The following RSU1 variants were observed in gnomAD, a reference collection of about 807,000 sequenced individuals.
RSU1 encodes the protein Ras suppressor protein 1.
Under a neutral mutation model 31.1 loss-of-function variants are expected in RSU1, and 26 were observed. The ratio of observed to expected loss-of-function variants is 0.84; its 90% CI spans 0.61 to 1.16. The LOEUF (loss-of-function observed/expected upper bound fraction) is 1.16. Among genes scored for constraint, RSU1 ranks in the 50% most tolerant of loss-of-function variants. The pLI is 0.00. For synonymous variants in RSU1, 164 were observed against 136.3 expected (o/e 1.20, Z -1.41); for missense variants, 320 against 339.1 (o/e 0.94, Z 0.44).
intron 8 of RSU1, among the ~76,000 whole-genome samples, chr10:16,613,081 T>A (rs1833920779): frequency 6.6e-6 from 1 of 152,136 alleles, no homozygotes; most frequent in Admixed American, 6.6e-5. Flanking sequence ...TCCAAAATCA[T>A]CATCGCCTCT....
In RSU1 at chr10:16,645,885, T is replaced by TACATATATATAC. The variant is rs1554762645; in HGVS notation, c.731+49137_731+49138insGTATATATATGT. ...ACGTATATATACATATATGTGTATA[T>TACATATATATAC]ACATATATGTATATACACATATATG... On this transcript the variant is annotated intron_variant, in intron 8 of 8. Transcript: ENST00000345264. Among the ~76,000 whole-genome samples the TACATATATATAC allele has an allele frequency of 2.0e-5, 2 of 98,666 alleles. 1 individual carries two copies. The highest frequency in any genetic ancestry group is 3.8e-5 in the Non-Finnish European group (2 of 52,302). 64.7% of individuals were successfully genotyped at this position (98,666 alleles called of 152,430 possible).
chr10:16,724,417 C>A (rs894104018), intron 7 of RSU1, among the ~76,000 whole-genome samples: 3 of 152,108 alleles, frequency 2.0e-5, no homozygotes, highest in African/African-American at 7.2e-5. Flanking sequence ...GAAACTGGAC[C>A]AAAATGAGGG....
intron 2 of RSU1, among the ~76,000 whole-genome samples, chr10:16,802,227 A>G (rs1212975748): frequency 6.6e-6 from 1 of 151,934 alleles, no homozygotes; most frequent in African/African-American, 2.4e-5. Context: ...TTACAAACAG[A>G]AATGAAAGAA....
chr10:16,727,233 A>T (rs1367361793), intron 7 of RSU1: 3 of 428,966 alleles, frequency 7.0e-6, no homozygotes, highest in East Asian at 1.5e-4. Flanking sequence ...GCCTGGCTGC[A>T]TCTTTTGTTA....
At chr10:16,697,534 C>T (rs966595714) in intron 7 of RSU1, among the ~76,000 whole-genome samples, 9 of 152,038 alleles carry the variant, frequency 5.9e-5, no homozygotes, top group Middle Eastern at 3.4e-3. Flanking sequence ...CACAGTGGTG[C>T]GCACCTGTAG....
intron 7 of RSU1, among the ~76,000 whole-genome samples, chr10:16,704,794 A>T (rs7074677): frequency 0.32 from 49,408 of 152,084 alleles, 8,689 homozygotes; most frequent in Middle Eastern, 0.42. Context: ...GGTTATTTTT[A>T]AAAAAATAAA....
chr10:16,645,152 A>G (rs1834513309), intron 8 of RSU1, among the ~76,000 whole-genome samples: 1 of 152,232 alleles, frequency 6.6e-6, no homozygotes, highest in African/African-American at 2.4e-5. Context: ...TTTCTAAAAT[A>G]TCATGTCAGA....
At chr10:16,769,700 T>C (rs1285670907) in intron 3 of RSU1, among the ~76,000 whole-genome samples, 2 of 152,226 alleles carry the variant, frequency 1.3e-5, no homozygotes, top group East Asian at 3.9e-4. Context: ...AACTTTTAAT[T>C]CATTGGCAGC....
At chr10:16,715,912 T>C (rs1213190854) in intron 7 of RSU1, among the ~76,000 whole-genome samples, 1 of 152,230 alleles carries the variant, frequency 6.6e-6, no homozygotes, top group Non-Finnish European at 1.5e-5. Context: ...ACTTCACTAA[T>C]AGGTCAGAAC....
chr10:16,682,820 G>T (rs1835356315), intron 8 of RSU1, among the ~76,000 whole-genome samples: 1 of 151,950 alleles, frequency 6.6e-6, no homozygotes, highest in Non-Finnish European at 1.5e-5. Context: ...CAGGTCCCAG[G>T]ATCCACACCT....
chr10:16,710,903 G>A (rs1276567354), intron 7 of RSU1, among the ~76,000 whole-genome samples: 2 of 152,124 alleles, frequency 1.3e-5, no homozygotes, highest in Non-Finnish European at 2.9e-5. Flanking sequence ...ACTTATCAGT[G>A]AGAACATGCA....
At chr10:16,721,808 G>A (rs1836269826) in intron 7 of RSU1, 1 of 151,968 alleles carries the variant, frequency 6.6e-6, no homozygotes, top group South Asian at 2.1e-4. Flanking sequence ...TATGAACTTG[G>A]ACAAGTTCAT....
chr10:16,783,174 G>C (rs1837692885), intron 2 of RSU1, among the ~76,000 whole-genome samples: 2 of 152,032 alleles, frequency 1.3e-5, no homozygotes, highest in Non-Finnish European at 2.9e-5. Flanking sequence ...GCCTCCCAAA[G>C]TGCTGGGATT....
At chr10:16,723,509 T>C (rs1337385737) in intron 7 of RSU1, among the ~76,000 whole-genome samples, 1 of 152,210 alleles carries the variant, frequency 6.6e-6, no homozygotes, top group African/African-American at 2.4e-5. Flanking sequence ...TCCAGATGCT[T>C]TTTGATGATG....
At chr10:16,682,649 TG>T in intron 8 of RSU1, among the ~76,000 whole-genome samples, 1 of 151,900 alleles carries the variant, frequency 6.6e-6, no homozygotes, top group African/African-American at 2.4e-5. Context: ...CTGGAGTAGC[TG>T]TTCTTTCACC....
chr10:16,590,857 T>C lies in RSU1; in HGVS notation c.*2537A>G, dbSNP rs1293269589. The C allele has an allele frequency of 2.0e-5, 3 of 152,244 alleles. No homozygotes were observed. The allele number at this position is 152,244 out of a possible 1,614,324, so 9.4% of individuals were successfully genotyped here. On this transcript the variant is annotated 3_prime_UTR_variant, in exon 9 of 9. Coordinates refer to ENST00000345264, the MANE Select transcript of RSU1 (RefSeq NM_012425.4). ...CCTTATATAGTTAGTTTTAAAAATC[T>C]TGCTTTTTCTGTTTAATCAGATGTT...
At chr10:16,817,135 C>A (rs1288051708) in intron 1 of RSU1, 51 bp from the exon 2 acceptor site, 1 of 1,365,336 alleles carries the variant, frequency 7.3e-7, no homozygotes, top group Non-Finnish European at 1.0e-6. Flanking sequence ...AGCGCAGAGG[C>A]GGAAAGGCAA....
intron 7 of RSU1, among the ~76,000 whole-genome samples, chr10:16,699,514 G>C (rs565468922): frequency 6.6e-6 from 1 of 152,324 alleles, no homozygotes; most frequent in African/African-American, 2.4e-5. Flanking sequence ...TAACATGCAG[G>C]AAGCATCTCA....
At chr10:16,790,095 AT>A (rs922874817) in intron 2 of RSU1, among the ~76,000 whole-genome samples, 1 of 152,106 alleles carries the variant, frequency 6.6e-6, no homozygotes, top group Non-Finnish European at 1.5e-5. Context: ...GTGATTTATG[AT>A]TTTTTTATTC....
Sources: allele counts gnomAD v4.1 joint callset (sites outside exome capture counted in the v4.1 genomes callset), GRCh38; gene constraint gnomAD v4.1.1; transcripts MANE v1.5; gene names NCBI Gene and HGNC (gene_info 2026-07-23, HGNC 2026-07-21).